Variants in TMEM179B observed in about 807,000 individuals in gnomAD.
TMEM179B encodes the protein transmembrane protein 179B.
In TMEM179B, 13 loss-of-function variants were observed where a neutral mutation model predicts 18.0. The ratio of observed to expected loss-of-function variants is 0.72; its 90% CI spans 0.47 to 1.15. The LOEUF (loss-of-function observed/expected upper bound fraction) is 1.15, where lower values mean the gene tolerates loss of function less well. Among genes scored for constraint, TMEM179B ranks in the 50% most tolerant of loss-of-function variants. The pLI, the probability that TMEM179B is intolerant of heterozygous loss-of-function variation, is 0.00. For missense variants in TMEM179B, 320 were observed against 270.6 expected (o/e 1.18, Z -1.28); for synonymous variants, 159 against 117.5 (o/e 1.35, Z -2.29).
intron 1 of TMEM179B, chr11:62,787,760 G>A (rs911010987): frequency 1.2e-5 from 8 of 686,356 alleles, no homozygotes; most frequent in African/African-American, 1.8e-5. Flanking sequence ...GGTCAGTAGC[G>A]TCTTAAAGCA....
Position 62,790,373 on chromosome 11 carries a change from G to A in TMEM179B, c.*326G>A, listed in dbSNP as rs1186359840. The A allele has an allele frequency of 1.8e-6, 1 of 550,438 alleles. No individual in the cohort carries two copies. Among genetic ancestry groups the A allele is most frequent in the East Asian group, 3.0e-5 (1 of 32,792 alleles). 34.1% of individuals were successfully genotyped at this position (550,438 alleles called of 1,614,324 possible). A position where few individuals can be genotyped will look rare whatever the true frequency, so the allele number is the denominator to read the frequency against. ...AGGGATGACTGCTCCTTTATTTGTT[G>A]TTAATGAATCTTGACCTCCTTGTGT... On this transcript the variant is annotated 3_prime_UTR_variant, in exon 5 of 5. Transcript: ENST00000333449.
intron 1 of TMEM179B, 42 bp from the exon 2 acceptor site, chr11:62,788,981 A>T (rs377652389): frequency 1.6e-4 from 257 of 1,577,058 alleles, no homozygotes; most frequent in Non-Finnish European, 2.2e-4. Flanking sequence ...GTATCTAGAG[A>T]CATTAACCTG....
At chr11:62,788,573 G>C (rs190903693) in intron 1 of TMEM179B, among the ~76,000 whole-genome samples, 3,679 of 150,272 alleles carry the variant, frequency 0.024, 138 homozygotes, top group African/African-American at 0.086. Flanking sequence ...GCATGGTGGC[G>C]GGTGCCTGTA....
rs1325312038 is a variant in TMEM179B, at chr11:62,789,613, C to T, written c.432C>T (p.Ala144=). 1 of 1,546,220 alleles carries T rather than the reference C, an allele frequency of 6.5e-7. No individual in the cohort carries two copies. The highest frequency in any genetic ancestry group is 8.7e-7 in the Non-Finnish European group (1 of 1,150,162). The change falls in exon 4 of 5, where the codon GCC becomes GCT. Residue 144 remains alanine (A), a synonymous_variant. Coordinates refer to ENST00000333449, the MANE Select transcript of TMEM179B (RefSeq NM_199337.3). ...SLNTTISCSE[A]QKIPWTPPGT... ...TTTGACCTCACAGCTGTTCTGAAGC[C>T]CAGAAAATTCCATGGACACCCCCTG... is the stretch of plus-strand genomic sequence containing the variant.
In TMEM179B at chr11:62,787,500, G is replaced by A; in HGVS notation, c.69G>A (p.Val23=). Residue 23 remains valine, a synonymous_variant, in exon 1 of 5, where the codon GTG becomes GTA. Transcript: ENST00000333449. Reference sequence around the variant, plus strand: ...CTGCCGCCTTCCTGTGCGGGGCCGTGGCGGCCGCGGCGATGACTCGGACCC... The same window carrying A: ...CTGCCGCCTTCCTGTGCGGGGCCGTAGCGGCCGCGGCGATGACTCGGACCC... ...LFAAAFLCGA[V]AAAAMTRTQG... 1 of 1,577,978 alleles carries A rather than the reference G, an allele frequency of 6.3e-7. No individual in the cohort carries two copies. Among genetic ancestry groups the A allele is most frequent in the Non-Finnish European group, 8.5e-7 (1 of 1,170,188 alleles).
Position 62,790,100 on chromosome 11 carries a change from A to T in TMEM179B, c.*53A>T. 1 of 1,510,880 alleles carries T rather than the reference A, an allele frequency of 6.6e-7. No homozygotes were observed. Among genetic ancestry groups the T allele is most frequent in the East Asian group, 2.4e-5 (1 of 42,186 alleles). 93.6% of individuals were successfully genotyped at this position (1,510,880 alleles called of 1,614,324 possible). A position where few individuals can be genotyped will look rare whatever the true frequency, so the allele number is the denominator to read the frequency against. Reference sequence around the variant, plus strand: ...GAAGACTCCATGCCCAAGTGCCTGTAATCCCCCCCCTCAAGGCCCTGTTTA... The same window carrying T: ...GAAGACTCCATGCCCAAGTGCCTGTTATCCCCCCCCTCAAGGCCCTGTTTA... On this transcript the variant is annotated 3_prime_UTR_variant, in exon 5 of 5. Coordinates refer to ENST00000333449, the MANE Select transcript of TMEM179B (RefSeq NM_199337.3).
rs774342449 is a variant in TMEM179B, at chr11:62,787,428, C to T, written c.-4C>T. Reference sequence around the variant, plus strand: ...CAGCGGCGCTTCCTGGTGGTCAGGGCGCCATGGCGCTGTCCTGGCTGCAGC... The same window carrying T: ...CAGCGGCGCTTCCTGGTGGTCAGGGTGCCATGGCGCTGTCCTGGCTGCAGC... On this transcript the variant is annotated 5_prime_UTR_variant, in exon 1 of 5. Coordinates refer to ENST00000333449, the MANE Select transcript of TMEM179B (RefSeq NM_199337.3). 10 of 1,560,818 alleles carry T rather than the reference C, an allele frequency of 6.4e-6. No homozygotes were observed. Among genetic ancestry groups the T allele is most frequent in the African/African-American group, 5.5e-5 (4 of 73,068 alleles).
rs1475764035 is a variant in TMEM179B at position 62,790,366 on chromosome 11, A to AT, written c.*322dup. The AT allele has an allele frequency of 1.1e-5, 6 of 544,376 alleles. No homozygotes were observed. The highest frequency in any genetic ancestry group is 1.9e-5 in the Non-Finnish European group (6 of 312,186). 33.7% of individuals were successfully genotyped at this position (544,376 alleles called of 1,614,324 possible). On this transcript the variant is annotated 3_prime_UTR_variant, in exon 5 of 5. Transcript: ENST00000333449. ...CTGCCCTAGGGATGACTGCTCCTTT[A>AT]TTTGTTGTTAATGAATCTTGACCTC... is the stretch of plus-strand genomic sequence containing the variant.
Sources: gnomAD v4.1 joint callset for allele counts (sites outside exome capture counted in the v4.1 genomes callset) on GRCh38, gnomAD v4.1.1 for gene constraint, MANE v1.5 for transcripts, NCBI Gene and HGNC (gene_info 2026-07-23, HGNC 2026-07-21) for gene names.